Variants in KIFC3 observed in about 807,000 individuals in gnomAD.
KIFC3 encodes kinesin-like protein KIFC3.
A neutral mutation model predicts 101.8 loss-of-function variants in KIFC3; 60 were observed. The observed-to-expected ratio is 0.59, with a 90% CI of 0.48 to 0.73. KIFC3 has a LOEUF of 0.73. Ranked by LOEUF, KIFC3 falls within the 30% of genes least tolerant of loss-of-function variation. KIFC3 has a pLI of 0.00. For synonymous variants in KIFC3, 476 were observed against 482.7 expected (o/e 0.99, Z 0.18); for missense variants, 966 against 1,137.1 (o/e 0.85, Z 2.16).
Position 57,837,554 on chromosome 16 carries a change from G to GAAGGAAGAAAGAAAGA in KIFC3, c.108+25174_108+25175insTCTTTCTTTCTTCCTT, listed in dbSNP as rs71152302. Among the ~76,000 whole-genome samples, 476 of 99,996 alleles carry GAAGGAAGAAAGAAAGA rather than the reference G, an allele frequency of 4.8e-3. 5 individuals carry two copies. The highest frequency in any genetic ancestry group is 0.013 in the African/African-American group (385 of 29,560). The allele number at this position is 99,996 out of a possible 152,430, so 65.6% of individuals were successfully genotyped here. A position where few individuals can be genotyped will look rare whatever the true frequency, so the allele number is the denominator to read the frequency against. Reference sequence around the variant, plus strand: ...AAGAAAGAAAGAGAAAGGAAGGAAGGAAGAAAGAAAGAAAGAAAGAAAGAA... The same window carrying GAAGGAAGAAAGAAAGA: ...AAGAAAGAAAGAGAAAGGAAGGAAGGAAGGAAGAAAGAAAGAAAGAAAGAAAGAAAGAAAGAAAGAA... On this transcript the variant is annotated intron_variant, in intron 1 of 2. Coordinates refer to the KIFC3 transcript ENST00000563028.
chr16:57,847,287 G>A (rs1428076465), intron 1 of KIFC3, among the ~76,000 whole-genome samples: 5 of 124,958 alleles, frequency 4.0e-5, no homozygotes, highest in African/African-American at 1.6e-4. Flanking sequence ...GAGGGAGGGA[G>A]AGAGGGCGGG....
chr16:57,855,506 A>C (rs2056147821), intron 1 of KIFC3, among the ~76,000 whole-genome samples: 1 of 152,104 alleles, frequency 6.6e-6, no homozygotes, highest in Non-Finnish European at 1.5e-5. Context: ...AATTTGTGAG[A>C]TTCAGGTAAA....
intron 3 of KIFC3, among the ~76,000 whole-genome samples, chr16:57,790,145 T>C (rs1446892293): frequency 1.4e-5 from 2 of 140,972 alleles, no homozygotes; most frequent in Non-Finnish European, 3.0e-5. Flanking sequence ...AATAGCACAA[T>C]AGCAGCTCAC....
At position 57,773,401 on chromosome 16, in the gene KIFC3, T is replaced by A. The variant is rs1405670440; in HGVS notation, c.316-1113A>T. Among the ~76,000 whole-genome samples the A allele has an allele frequency of 7.9e-5, 12 of 152,076 alleles. No individual in the cohort carries two copies. In the South Asian group the frequency reaches 8.3e-4, roughly 11 times the overall value. On this transcript the variant is annotated intron_variant, in intron 3 of 19. Transcript: ENST00000445690. ...CGTACTCTCCTCGGACGACAGGAGG[T>A]GAGAACGCACACCCAGCATCGCCAA...
At chr16:57,855,084 A>AAAAGGTG (rs1414842184) in intron 1 of KIFC3, among the ~76,000 whole-genome samples, 1 of 151,862 alleles carries the variant, frequency 6.6e-6, no homozygotes, top group Non-Finnish European at 1.5e-5. Context: ...AACAAAATAA[A>AAAAGGTG]AAAGGTGAAA....
chr16:57,769,873 C>T lies in KIFC3; in HGVS notation c.1022G>A (p.Arg341Gln), dbSNP rs1320533396. The T allele has an allele frequency of 2.5e-6, 4 of 1,613,816 alleles. No homozygotes were observed. Among genetic ancestry groups the T allele is most frequent in the Admixed American group, 3.3e-5 (2 of 60,002 alleles). Residue 341 changes from arginine to glutamine, a missense_variant, in exon 8 of 20, where the codon CGG becomes CAG. Arg to Gln is a conservative substitution (Grantham distance 43, BLOSUM62 1). Around this residue, in one of 2 missense-constraint regions of KIFC3, gnomAD observed 689 missense variants for 884.6 expected, o/e 0.78. Coordinates refer to ENST00000445690, the MANE Select transcript of KIFC3 (RefSeq NM_001130100.2). The surrounding 1 kb of genome is among the most constrained non-coding windows in gnomAD (Gnocchi z 4.3). ...TCTGGCAAAGGCCTCCTCAATGGCC[C>T]GGTTCTTGTCCTCTTCCAGGGACTG... ...EMQSLEEDKN[R>Q]AIEEAFARAQ...
upstream of KIFC3, chr16:57,802,903 G>A (rs2054833160): frequency 1.4e-6 from 2 of 1,393,960 alleles, no homozygotes; most frequent in Non-Finnish European, 2.0e-6. This position sits in a 1 kb window ranked among gnomAD's most constrained non-coding sequence, Gnocchi z 5.0. Flanking sequence ...CTTCTCACGC[G>A]GGCTCTCATA....
chr16:57,852,801 C>T (rs2056084774), intron 1 of KIFC3, among the ~76,000 whole-genome samples: 1 of 152,170 alleles, frequency 6.6e-6, no homozygotes, highest in Non-Finnish European at 1.5e-5. Context: ...AGGAACCTAT[C>T]TAGCGAAAAG....
At chr16:57,795,247 C>T in intron 2 of KIFC3, 106 bp from the exon 3 acceptor site, 1 of 1,361,528 alleles carries the variant, frequency 7.3e-7, no homozygotes, top group East Asian at 2.7e-5. Context: ...TTCACACATC[C>T]CTGGCTGGTC....
intron 10 of KIFC3, among the ~76,000 whole-genome samples, chr16:57,766,248 C>A (rs781978742): frequency 6.6e-6 from 1 of 152,218 alleles, no homozygotes; most frequent in Non-Finnish European, 1.5e-5. Context: ...ACCTGCCCTC[C>A]CTTTTCACCC....
chr16:57,797,609 G>T (rs1033387627), intron 2 of KIFC3: 39 of 840,052 alleles, frequency 4.6e-5, no homozygotes, highest in Non-Finnish European at 5.6e-5. Flanking sequence ...CCACGTTCCC[G>T]AGCAGCCTCG....
chr16:57,860,757 G>A (rs1453283600), intron 1 of KIFC3, among the ~76,000 whole-genome samples: 1 of 152,100 alleles, frequency 6.6e-6, no homozygotes, highest in African/African-American at 2.4e-5. Flanking sequence ...CTGTCACCCA[G>A]GCTGGAGTAC....
chr16:57,853,137 G>A (rs1285692291), intron 1 of KIFC3, among the ~76,000 whole-genome samples: 1 of 152,002 alleles, frequency 6.6e-6, no homozygotes, highest in Non-Finnish European at 1.5e-5. Flanking sequence ...CAAATAATCT[G>A]CCCGGGCGCG....
chr16:57,760,708 C>G lies in KIFC3; in HGVS notation c.2232+18G>C, dbSNP rs2049744164. 3 of 1,609,272 alleles carry G rather than the reference C, an allele frequency of 1.9e-6. No individual in the cohort carries two copies. In the African/African-American group the frequency reaches 4.0e-5, roughly 21 times the overall value. ...CCTACATGCTAGGGACTGGCCCGCC[C>G]TAACCCAAGGTCCTCACCTGTACCA... On this transcript the variant is annotated intron_variant, in intron 16 of 19. Transcript: ENST00000445690.
intron 1 of KIFC3, among the ~76,000 whole-genome samples, chr16:57,813,430 C>A (rs1450254309): frequency 1.3e-5 from 2 of 152,106 alleles, no homozygotes; most frequent in Admixed American, 6.6e-5. Context: ...CTGTCTAAAT[C>A]TCCAGATAAC....
At chr16:57,801,148 G>A (rs1253854180) in intron 1 of KIFC3, among the ~76,000 whole-genome samples, 2 of 152,198 alleles carry the variant, frequency 1.3e-5, no homozygotes, top group African/African-American at 4.8e-5. Flanking sequence ...GCCTGGCTGG[G>A]GAAGAGGGTC....
upstream of KIFC3, chr16:57,803,562 A>T (rs1300708847): frequency 2.8e-6 from 1 of 361,586 alleles, no homozygotes; most frequent in East Asian, 7.3e-5. Context: ...GGTGGGTTCT[A>T]TCTCCTGCTG....
intron 1 of KIFC3, among the ~76,000 whole-genome samples, chr16:57,825,421 A>G (rs2055438527): frequency 6.6e-6 from 1 of 152,224 alleles, no homozygotes; most frequent in South Asian, 2.1e-4. Context: ...TAACAAGGAT[A>G]TGAGCTTGGA....
intron 1 of KIFC3, among the ~76,000 whole-genome samples, chr16:57,849,681 T>A (rs1269322425): frequency 2.6e-5 from 4 of 152,050 alleles, no homozygotes; most frequent in African/African-American, 9.7e-5. Flanking sequence ...GGCAGGCAGA[T>A]CATCTGAGGT....
Sources: gnomAD v4.1 joint callset for allele counts (sites outside exome capture counted in the v4.1 genomes callset) on GRCh38, gnomAD v4.1.1 for gene constraint, gnomAD v4.1.1 regional missense constraint, Gnocchi (gnomAD v3.1) non-coding constraint, MANE v1.5 for transcripts, NCBI Gene and HGNC (gene_info 2026-07-23, HGNC 2026-07-21) for gene names.